The following GTSE1 variants were observed in gnomAD, a reference collection of about 807,000 sequenced individuals.
GTSE1 encodes the protein G2 and S-phase expressed 1, also known as G2 and S phase-expressed protein 1.
In GTSE1, 52 loss-of-function variants were observed where a neutral mutation model predicts 60.5. The ratio of observed to expected loss-of-function variants is 0.86; its 90% CI spans 0.69 to 1.08. GTSE1 has a LOEUF of 1.08. Ranked by LOEUF, GTSE1 falls within the 50% of genes least tolerant of loss-of-function variation. GTSE1 has a pLI of 0.00. For synonymous variants in GTSE1, 368 were observed against 386.5 expected (o/e 0.95, Z 0.56); for missense variants, 937 against 961.8 (o/e 0.97, Z 0.34).
At chr22:46,322,904 C>A (rs1259703742) in intron 7 of GTSE1, among the ~76,000 whole-genome samples, 1 of 152,218 alleles carries the variant, frequency 6.6e-6, no homozygotes, top group African/African-American at 2.4e-5. Flanking sequence ...GATATACAGC[C>A]AGGGTGGGGC....
In GTSE1 at chr22:46,308,313, A is replaced by G; in HGVS notation, c.138-6A>G. 6.2e-7 allele frequency: 1 copy of G among 1,611,338 alleles called. No individual in the cohort carries two copies. Among genetic ancestry groups the G allele is most frequent in the East Asian group, 2.2e-5 (1 of 44,844 alleles). Reference sequence around the variant, plus strand: ...GTTATTAATCATTCTTTTTTTAAACAAATAGTGCAAATGAAGATGATGAAG... The same window carrying G: ...GTTATTAATCATTCTTTTTTTAAACGAATAGTGCAAATGAAGATGATGAAG... On this transcript the variant is annotated splice_region_variant and splice_polypyrimidine_tract_variant and intron_variant, in intron 3 of 11. Transcript: ENST00000454366.
Position 46,330,114 on chromosome 22 carries a change from C to T in GTSE1, c.2204C>T (p.Pro735Leu), listed in dbSNP as rs374475069. The change falls in exon 12 of 12, where the codon CCA (proline) becomes CTA (leucine). Residue 735 changes from proline (P) to leucine (L), a missense_variant. Pro to Leu is a moderately conservative substitution (Grantham distance 98). Transcript: ENST00000454366. The surrounding 1 kb of genome is among the most constrained non-coding windows in gnomAD (Gnocchi z 6.0). ...PEADKENVDS[P>L]LLKF ...GCTGACAAGGAGAACGTGGATTCCC[C>T]ACTCCTCAAGTTCTAAGCCGAACCA... 13 of 1,602,990 alleles carry T rather than the reference C, an allele frequency of 8.1e-6. No homozygotes were observed. Among genetic ancestry groups the T allele is most frequent in the African/African-American group, 1.3e-5 (1 of 74,730 alleles).
rs2077741635 is a variant in GTSE1, at chr22:46,310,396, C to G, written c.762+1453C>G. Among the ~76,000 whole-genome samples the G allele has an allele frequency of 6.6e-6, 1 of 152,080 alleles. No individual in the cohort carries two copies. The highest frequency in any genetic ancestry group is 2.4e-5 in the African/African-American group (1 of 41,408). ...TGAAATGGGGCAGCTGTTGTGGAAACAGTTTGGCAGCTCCTCAAAAAAATA... is the reference window on the plus strand; with the variant it reads ...TGAAATGGGGCAGCTGTTGTGGAAAGAGTTTGGCAGCTCCTCAAAAAAATA... On this transcript the variant is annotated intron_variant, in intron 4 of 11. Transcript: ENST00000454366. This position sits in a 1 kb window ranked among gnomAD's most constrained non-coding sequence, Gnocchi z 4.4.
chr22:46,304,837 G>A lies in GTSE1; in HGVS notation c.80-3313G>A, dbSNP rs534798109. ...CTACAAAAAATACAAATATTAGCCA[G>A]GGATGGTTGTGCGTGCCTGTAGTCC... On this transcript the variant is annotated intron_variant, in intron 2 of 11. Transcript: ENST00000454366. The surrounding 1 kb of genome is among the most constrained non-coding windows in gnomAD (Gnocchi z 4.4). Among the ~76,000 whole-genome samples, 1 of 152,294 alleles carries A rather than the reference G, an allele frequency of 6.6e-6. No homozygotes were observed. The highest frequency in any genetic ancestry group is 2.1e-4 in the South Asian group (1 of 4,820).
chr22:46,324,756 G>C lies in GTSE1; in HGVS notation c.1505+1494G>C, dbSNP rs771283698. ...GTGGGGAATCCTAGAACTTCGCGGAGAGCAGCAGCTGGGGTTGACAGCAGT... is the reference window on the plus strand; with the variant it reads ...GTGGGGAATCCTAGAACTTCGCGGACAGCAGCAGCTGGGGTTGACAGCAGT... On this transcript the variant is annotated intron_variant, in intron 8 of 11. Transcript: ENST00000454366. The surrounding 1 kb of genome is among the most constrained non-coding windows in gnomAD (Gnocchi z 5.2). Among the ~76,000 whole-genome samples the C allele has an allele frequency of 6.6e-6, 1 of 152,196 alleles. No homozygotes were observed. Among genetic ancestry groups the C allele is most frequent in the Non-Finnish European group, 1.5e-5 (1 of 68,040 alleles).
In GTSE1 at chr22:46,316,628, C is replaced by G. The variant is rs2077782643; in HGVS notation, c.1432+216C>G. Among the ~76,000 whole-genome samples, 1 of 152,094 alleles carries G rather than the reference C, an allele frequency of 6.6e-6. No individual in the cohort carries two copies. The highest frequency in any genetic ancestry group is 2.1e-4 in the South Asian group (1 of 4,824). The stretch of plus-strand genomic sequence containing the variant: ...GTTCGTTCCTGTGTGTGTGACACCC[C>G]AATGCTCGTAGGCTGCTTGTAAGGT... On this transcript the variant is annotated intron_variant, in intron 7 of 11. Transcript: ENST00000454366. This position sits in a 1 kb window ranked among gnomAD's most constrained non-coding sequence, Gnocchi z 5.0.
chr22:46,313,729 A>C lies in GTSE1; in HGVS notation c.928-161A>C, dbSNP rs1247442602. Among the ~76,000 whole-genome samples, 6 of 152,158 alleles carry C rather than the reference A, an allele frequency of 3.9e-5. No individual in the cohort carries two copies. Among genetic ancestry groups the C allele is most frequent in the Non-Finnish European group, 8.8e-5 (6 of 68,028 alleles). ...TCACCATATTGGCCAGGCTGGTCTCAAACTCCTGACCTTGTGATCCTCCGG... is the reference window on the plus strand; with the variant it reads ...TCACCATATTGGCCAGGCTGGTCTCCAACTCCTGACCTTGTGATCCTCCGG... On this transcript the variant is annotated intron_variant, in intron 5 of 11. Transcript: ENST00000454366. This position sits in a 1 kb window ranked among gnomAD's most constrained non-coding sequence, Gnocchi z 4.4.
Position 46,308,415 on chromosome 22 carries a change from G to C in GTSE1, c.234G>C (p.Gln78His). 6.2e-7 allele frequency: 1 copy of C among 1,614,192 alleles called. No individual in the cohort carries two copies. Among genetic ancestry groups the C allele is most frequent in the Non-Finnish European group, 8.5e-7 (1 of 1,180,036 alleles). Residue 78 changes from glutamine to histidine, a missense_variant, in exon 4 of 12, where the codon CAG becomes CAC. Coordinates refer to ENST00000454366, the MANE Select transcript of GTSE1 (RefSeq NM_016426.7). ...SLELNNPVPE[Q>H]PPLPTSESPF... ...AATTAAATAATCCGGTTCCCGAACA[G>C]CCTCCGTTGCCCACATCTGAGAGTC...
At chr22:46,298,254 C>T (rs2147809468) in intron 2 of GTSE1, among the ~76,000 whole-genome samples, 1 of 151,982 alleles carries the variant, frequency 6.6e-6, no homozygotes, top group South Asian at 2.1e-4. Flanking sequence ...TGAGCCACCT[C>T]ACCCAGCCTC....
In GTSE1 at chr22:46,309,543, G is replaced by T. The variant is rs79554259; in HGVS notation, c.762+600G>T. Among the ~76,000 whole-genome samples the T allele has an allele frequency of 4.6e-5, 7 of 152,078 alleles. No homozygotes were observed. Among genetic ancestry groups the T allele is most frequent in the Non-Finnish European group, 2.9e-5 (2 of 68,012 alleles). ...AGCCCCGGGGCCCACCCTGCAGCCCGTTCCCAGCTCTGCCCCCTCCCCTGG... is the reference window on the plus strand; with the variant it reads ...AGCCCCGGGGCCCACCCTGCAGCCCTTTCCCAGCTCTGCCCCCTCCCCTGG... On this transcript the variant is annotated intron_variant, in intron 4 of 11. Coordinates refer to ENST00000454366, the MANE Select transcript of GTSE1 (RefSeq NM_016426.7). This position sits in a 1 kb window ranked among gnomAD's most constrained non-coding sequence, Gnocchi z 6.2.
chr22:46,319,610 G>A lies in GTSE1; in HGVS notation c.1432+3198G>A, dbSNP rs1229022692. 2.0e-5 allele frequency among the ~76,000 whole-genome samples: 3 copies of A among 152,164 alleles called. No homozygotes were observed. Among genetic ancestry groups the A allele is most frequent in the Non-Finnish European group, 4.4e-5 (3 of 68,026 alleles). On this transcript the variant is annotated intron_variant, in intron 7 of 11. Transcript: ENST00000454366. This position sits in a 1 kb window ranked among gnomAD's most constrained non-coding sequence, Gnocchi z 5.0. ...CCACTTAGGCTGCAGCTGAGGGGTG[G>A]AGCAGGCTGAGAGCTCAGAGGAGAA...
chr22:46,309,478 G>C lies in GTSE1; in HGVS notation c.762+535G>C, dbSNP rs1161232709. Reference sequence around the variant, plus strand: ...GCCAGGGCTGCCCGATCTGGCTCTTGCTCGGGAGAGGCCACAGAGAGGAAG... The same window carrying C: ...GCCAGGGCTGCCCGATCTGGCTCTTCCTCGGGAGAGGCCACAGAGAGGAAG... On this transcript the variant is annotated intron_variant, in intron 4 of 11. Transcript: ENST00000454366. The surrounding 1 kb of genome is among the most constrained non-coding windows in gnomAD (Gnocchi z 6.2). 6.6e-6 allele frequency among the ~76,000 whole-genome samples: 1 copy of C among 152,168 alleles called. No homozygotes were observed. Among genetic ancestry groups the C allele is most frequent in the South Asian group, 2.1e-4 (1 of 4,830 alleles).
At chr22:46,300,488 C>A (rs530836551) in intron 2 of GTSE1, among the ~76,000 whole-genome samples, 2 of 152,220 alleles carry the variant, frequency 1.3e-5, no homozygotes, top group Non-Finnish European at 2.9e-5. Context: ...CCTCTGTGAT[C>A]TGACCCAACT....
intron 4 of GTSE1, among the ~76,000 whole-genome samples, chr22:46,311,146 C>T (rs1199383998): frequency 1.3e-5 from 2 of 151,852 alleles, no homozygotes; most frequent in East Asian, 1.9e-4. Context: ...GGTGCAATCT[C>T]GGCTCACTGC....
In GTSE1 at chr22:46,318,748, C is replaced by T. The variant is rs962228856; in HGVS notation, c.1432+2336C>T. On this transcript the variant is annotated intron_variant, in intron 7 of 11. Transcript: ENST00000454366. The surrounding 1 kb of genome is among the most constrained non-coding windows in gnomAD (Gnocchi z 4.8). ...CGTGCTCTGGGAGCAGCATGGGGGCCGGAGGGTGGGAGTGCAGCCGCTGCG... is the reference window on the plus strand; with the variant it reads ...CGTGCTCTGGGAGCAGCATGGGGGCTGGAGGGTGGGAGTGCAGCCGCTGCG... Among the ~76,000 whole-genome samples the T allele has an allele frequency of 1.3e-5, 2 of 152,038 alleles. No individual in the cohort carries two copies. Among genetic ancestry groups the T allele is most frequent in the South Asian group, 2.1e-4 (1 of 4,814 alleles).
At chr22:46,311,871 T>C (rs1425574261) in intron 4 of GTSE1, among the ~76,000 whole-genome samples, 1 of 152,240 alleles carries the variant, frequency 6.6e-6, no homozygotes, top group Non-Finnish European at 1.5e-5. Context: ...GGAATGGCTT[T>C]AGAGAACCTC....
In GTSE1 at chr22:46,308,413, C is replaced by T; in HGVS notation, c.232C>T (p.Gln78Ter). 1.2e-6 allele frequency: 2 copies of T among 1,614,182 alleles called. No homozygotes were observed. The highest frequency in any genetic ancestry group is 1.7e-6 in the Non-Finnish European group (2 of 1,180,030). Residue 78 changes from glutamine (Q) to a stop codon, truncating the protein, a stop_gained, in exon 4 of 12, where the codon CAG (glutamine) becomes TAG (stop). Coordinates refer to ENST00000454366, the MANE Select transcript of GTSE1 (RefSeq NM_016426.7). LOFTEE classifies it high-confidence loss of function. ...GGAATTAAATAATCCGGTTCCCGAACAGCCTCCGTTGCCCACATCTGAGAG... is the reference window on the plus strand; with the variant it reads ...GGAATTAAATAATCCGGTTCCCGAATAGCCTCCGTTGCCCACATCTGAGAG... The part of the protein sequence containing the change: ...SLELNNPVPE[Q>*]PPLPTSESPF...
chr22:46,305,135 G>T (rs1569037105), intron 2 of GTSE1, among the ~76,000 whole-genome samples: 1 of 152,160 alleles, frequency 6.6e-6, no homozygotes, highest in Non-Finnish European at 1.5e-5. Context: ...GATGTAAATA[G>T]TATTGGAATT....
rs1220223970 is a variant in GTSE1 at position 46,310,895 on chromosome 22, A to G, written c.763-1246A>G. 2.0e-5 allele frequency among the ~76,000 whole-genome samples: 3 copies of G among 152,154 alleles called. No homozygotes were observed. On this transcript the variant is annotated intron_variant, in intron 4 of 11. Coordinates refer to ENST00000454366, the MANE Select transcript of GTSE1 (RefSeq NM_016426.7). This position sits in a 1 kb window ranked among gnomAD's most constrained non-coding sequence, Gnocchi z 4.4. ...CAGTGAGCCAAGATGGCACCACTGAAAACATTTTGCTCAGTGAGAGAGGCC... is the reference window on the plus strand; with the variant it reads ...CAGTGAGCCAAGATGGCACCACTGAGAACATTTTGCTCAGTGAGAGAGGCC...
Sources: allele counts gnomAD v4.1 joint callset (sites outside exome capture counted in the v4.1 genomes callset), GRCh38; gene constraint gnomAD v4.1.1; non-coding constraint Gnocchi (gnomAD v3.1); transcripts MANE v1.5; gene names NCBI Gene and HGNC (gene_info 2026-07-23, HGNC 2026-07-21).